The following NCOA5 variants were observed in gnomAD, a reference collection of about 807,000 sequenced individuals.
NCOA5 encodes the protein NCoA-5.
Under a neutral mutation model 59.0 loss-of-function variants are expected in NCOA5, and 12 were observed. The ratio of observed to expected loss-of-function variants is 0.20; its 90% confidence interval spans 0.13 to 0.33. The LOEUF is 0.33. Among genes scored for constraint, NCOA5 ranks in the 10% least tolerant of loss-of-function variants. The pLI, the probability that NCOA5 is intolerant of heterozygous loss-of-function variation, is 1.00. For synonymous variants in NCOA5, 270 were observed against 275.5 expected, an observed-to-expected ratio of 0.98 and a Z score of 0.20; for missense variants, 655 against 766.6, an observed-to-expected ratio of 0.85 and a Z score of 1.72.
chr20:46,078,123 C>A (rs1187849891), intron 2 of NCOA5, among the ~76,000 whole-genome samples: 1 of 152,228 alleles, frequency 6.6e-6, no homozygotes, highest in Non-Finnish European at 1.5e-5. Context: ...GTATTGGATT[C>A]AACTCTGCTG....
rs554798164 is a variant in NCOA5, at chr20:46,063,610, C to T, written c.900G>A (p.Glu300=). ...VARNYERYKN[E]CREKEREEIA... ...TCTCCTCACGTTCCTTCTCCCGGCA[C>T]TCATTCTTGTAACGCTCATAATTTC... is the stretch of plus-strand genomic sequence containing the variant. Residue 300 remains glutamate (E), a synonymous_variant, in exon 7 of 8, where the codon GAG becomes GAA. Transcript: ENST00000290231. The T allele has an allele frequency of 6.2e-7, 1 of 1,614,166 alleles. No homozygotes were observed. Among genetic ancestry groups the T allele is most frequent in the Non-Finnish European group, 8.5e-7 (1 of 1,180,040 alleles).
At chr20:46,068,968 T>C (rs541051372) in intron 3 of NCOA5, among the ~76,000 whole-genome samples, 2 of 152,140 alleles carry the variant, frequency 1.3e-5, no homozygotes, top group South Asian at 4.1e-4. Flanking sequence ...ATTTTTATTA[T>C]TATTATTATT....
intron 3 of NCOA5, among the ~76,000 whole-genome samples, chr20:46,069,186 T>C (rs548992045): frequency 2.0e-5 from 3 of 152,170 alleles, no homozygotes; most frequent in Non-Finnish European, 4.4e-5. Context: ...ATCTAAAATT[T>C]TTCATCACCT....
In NCOA5 at chr20:46,074,416, T is replaced by C. The variant is rs1044356257; in HGVS notation, c.39-3880A>G. Among the ~76,000 whole-genome samples the C allele has an allele frequency of 5.3e-5, 8 of 152,252 alleles. No individual in the cohort carries two copies. In the East Asian group the frequency reaches 1.2e-3, roughly 22 times the overall value. ...GAGGTGTTTTACTAAAGGAACCAAA[T>C]GCAGCATACCCTCAGGTACTACATC... On this transcript the variant is annotated intron_variant, in intron 2 of 7. Coordinates refer to ENST00000290231, the MANE Select transcript of NCOA5 (RefSeq NM_020967.3).
At chr20:46,074,931 C>T (rs1411224610) in intron 2 of NCOA5, among the ~76,000 whole-genome samples, 1 of 152,240 alleles carries the variant, frequency 6.6e-6, no homozygotes, top group African/African-American at 2.4e-5. Context: ...CTCCTTTCTT[C>T]CTTTCTGTTC....
intron 2 of NCOA5, among the ~76,000 whole-genome samples, chr20:46,072,109 T>A (rs1470494324): frequency 6.6e-6 from 1 of 152,170 alleles, no homozygotes; most frequent in Non-Finnish European, 1.5e-5. Flanking sequence ...CATTTCCAAA[T>A]TTTCTCCATT....
In NCOA5 at chr20:46,071,697, C is replaced by T. The variant is rs187913154; in HGVS notation, c.39-1161G>A. Among the ~76,000 whole-genome samples the T allele has an allele frequency of 2.6e-5, 4 of 152,274 alleles. No homozygotes were observed. The East Asian group carries it at 7.7e-4, about 29-fold the overall frequency. ...TTATAACTCACAAGATATAATCTAT[C>T]TCAATAGTTTTATTTATTTGATTTC... On this transcript the variant is annotated intron_variant, in intron 2 of 7. Coordinates refer to ENST00000290231, the MANE Select transcript of NCOA5 (RefSeq NM_020967.3).
At chr20:46,081,794 A>C (rs2084994752) in intron 1 of NCOA5, among the ~76,000 whole-genome samples, 1 of 151,698 alleles carries the variant, frequency 6.6e-6, no homozygotes, top group East Asian at 1.9e-4. Flanking sequence ...TTCCTATCTA[A>C]TAGAATTGCT....
intron 2 of NCOA5, 69 bp downstream of exon 2, chr20:46,079,318 T>G: frequency 6.8e-7 from 1 of 1,464,042 alleles, no homozygotes; most frequent in Non-Finnish European, 9.6e-7. Context: ...ACCTTTGGTG[T>G]ACGAAGCTGG....
In NCOA5 at chr20:46,070,584, C is replaced by T. The variant is rs1422631510; in HGVS notation, c.39-48G>A. 7.0e-6 allele frequency: 11 copies of T among 1,571,018 alleles called. 1 individual carries two copies. The South Asian group carries it at 1.2e-4, about 18-fold the overall frequency. ...GCTAAGACAAAGAAATTGAAAGTAG[C>T]CAACCCATCAGCTCTTCATATGAGA... On this transcript the variant is annotated intron_variant, in intron 2 of 7. Coordinates refer to ENST00000290231, the MANE Select transcript of NCOA5 (RefSeq NM_020967.3).
intron 2 of NCOA5, among the ~76,000 whole-genome samples, chr20:46,074,189 C>A (rs1340613582): frequency 6.6e-6 from 1 of 152,134 alleles, no homozygotes; most frequent in Non-Finnish European, 1.5e-5. Flanking sequence ...CAAAGAACTC[C>A]TCAGAACAAA....
chr20:46,061,532 G>A lies in NCOA5; in HGVS notation c.*768C>T, dbSNP rs1179328813. 6.5e-6 allele frequency: 1 copy of A among 152,686 alleles called. No homozygotes were observed. The highest frequency in any genetic ancestry group is 1.9e-4 in the East Asian group (1 of 5,204). The allele number at this position is 152,686 out of a possible 1,614,324, so 9.5% of individuals were successfully genotyped here. ...GAACCAACTTCATGGAAGTGCTGCT[G>A]GAGAGGGGGATGCTGACAGAACTGG... On this transcript the variant is annotated 3_prime_UTR_variant, in exon 8 of 8. Coordinates refer to ENST00000290231, the MANE Select transcript of NCOA5 (RefSeq NM_020967.3).
At chr20:46,086,736 A>C (rs1010912804) in intron 1 of NCOA5, among the ~76,000 whole-genome samples, 38 of 152,378 alleles carry the variant, frequency 2.5e-4, no homozygotes, top group African/African-American at 8.2e-4. Flanking sequence ...GATATGCAGT[A>C]ATCATTAATA....
At chr20:46,081,289 A>C (rs1048990522) in intron 1 of NCOA5, among the ~76,000 whole-genome samples, 1 of 152,124 alleles carries the variant, frequency 6.6e-6, no homozygotes, top group African/African-American at 2.4e-5. Flanking sequence ...TATTACTTTA[A>C]TTGGTAGGTT....
chr20:46,074,046 GATA>G (rs1225825832), intron 2 of NCOA5, among the ~76,000 whole-genome samples: 2 of 152,216 alleles, frequency 1.3e-5, no homozygotes, highest in African/African-American at 4.8e-5. Context: ...GGACAAAGAA[GATA>G]ATAATTTTCT....
At chr20:46,089,608 G>C (rs115137981) in intron 1 of NCOA5, among the ~76,000 whole-genome samples, 1 of 151,982 alleles carries the variant, frequency 6.6e-6, no homozygotes, top group Admixed American at 6.5e-5. Context: ...CGCCTCGGCC[G>C]GCCGGGCCTG....
intron 3 of NCOA5, among the ~76,000 whole-genome samples, chr20:46,069,081 G>A (rs915058831): frequency 3.3e-5 from 5 of 151,890 alleles, no homozygotes; most frequent in African/African-American, 1.2e-4. Flanking sequence ...CAAAGTGCTG[G>A]GATTACAGGC....
intron 2 of NCOA5, among the ~76,000 whole-genome samples, chr20:46,078,748 T>C (rs1253655202): frequency 2.8e-4 from 43 of 152,180 alleles, no homozygotes; most frequent in Admixed American, 2.8e-3. Flanking sequence ...AATGTGTATC[T>C]TGAGGGTACA....
intron 2 of NCOA5, among the ~76,000 whole-genome samples, chr20:46,078,376 T>C (rs1033058470): frequency 2.6e-5 from 4 of 152,210 alleles, no homozygotes; most frequent in Non-Finnish European, 5.9e-5. Flanking sequence ...GCTCAGTTAG[T>C]TGGGTTCACA....
Sources: allele counts gnomAD v4.1 joint callset (sites outside exome capture counted in the v4.1 genomes callset), GRCh38; gene constraint gnomAD v4.1.1; transcripts MANE v1.5; gene names NCBI Gene and HGNC (gene_info 2026-07-23, HGNC 2026-07-21).